The following SHOC2 variants were observed in gnomAD, a reference collection of about 807,000 sequenced individuals.
The protein encoded by SHOC2 is leucine-rich repeat protein SHOC-2.
In SHOC2, 4 loss-of-function variants were observed where a neutral mutation model predicts 50.2. That is an observed-to-expected ratio of 0.08 (90% confidence interval 0.04 to 0.18). The LOEUF (loss-of-function observed/expected upper bound fraction) is 0.18, where lower values mean the gene tolerates loss of function less well. Among genes scored for constraint, SHOC2 ranks in the 10% least tolerant of loss-of-function variants. The pLI is 1.00. For missense variants in SHOC2, 388 were observed against 669.6 expected (o/e 0.58, Z 4.64); for synonymous variants, 218 against 244.5 (o/e 0.89, Z 1.01).
At chr10:110,972,508 T>C (rs754166190) in intron 2 of SHOC2, among the ~76,000 whole-genome samples, 9 of 152,226 alleles carry the variant, frequency 5.9e-5, no homozygotes, top group Non-Finnish European at 1.3e-4. Flanking sequence ...TACTTATTAC[T>C]GTTAGGAAAT....
At chr10:110,947,949 C>T (rs1581886) in intron 1 of SHOC2, among the ~76,000 whole-genome samples, 114,629 of 152,008 alleles carry the variant, frequency 0.75, 43,535 homozygotes, top group East Asian at 0.85. Flanking sequence ...ATATATTTTT[C>T]AAAAGATCCT....
intron 1 of SHOC2, among the ~76,000 whole-genome samples, chr10:110,939,469 C>T (rs1200547673): frequency 1.3e-5 from 2 of 152,192 alleles, no homozygotes; most frequent in African/African-American, 4.8e-5. Flanking sequence ...ATCCCCCTAC[C>T]TTGGCTTCCA....
intron 2 of SHOC2, among the ~76,000 whole-genome samples, chr10:110,983,038 C>T (rs1484345643): frequency 6.6e-6 from 1 of 152,036 alleles, no homozygotes; most frequent in African/African-American, 2.4e-5. Flanking sequence ...TCTGTTTCAT[C>T]TTGATTGAGT....
chr10:110,964,544 A>C lies in SHOC2; in HGVS notation c.186A>C (p.Pro62=), dbSNP rs1449820117. The change falls in exon 2 of 9, where the codon CCA becomes CCC. Residue 62 remains proline (P), a synonymous_variant. Transcript: ENST00000369452. This position sits in a 1 kb window ranked among gnomAD's most constrained non-coding sequence, Gnocchi z 4.9. The part of the protein sequence containing the change: ...DGKKDSSAAQ[P]GVAFSVDNTI... ...AGAAGGACTCCAGTGCTGCCCAACCAGGGGTGGCATTTTCAGTTGACAATA... is the reference window on the plus strand; with the variant it reads ...AGAAGGACTCCAGTGCTGCCCAACCCGGGGTGGCATTTTCAGTTGACAATA... 6.2e-7 allele frequency: 1 copy of C among 1,614,108 alleles called. No individual in the cohort carries two copies. Among genetic ancestry groups the C allele is most frequent in the East Asian group, 2.2e-5 (1 of 44,872 alleles).
intron 1 of SHOC2, among the ~76,000 whole-genome samples, chr10:110,920,926 AGG>A (rs1846631420): frequency 2.3e-4 from 35 of 152,318 alleles, no homozygotes; most frequent in Middle Eastern, 6.8e-3. Context: ...TCTACTCAAG[AGG>A]GACTACTATA....
At chr10:110,997,613 AT>A (rs1192302528) in intron 3 of SHOC2, among the ~76,000 whole-genome samples, 1 of 152,178 alleles carries the variant, frequency 6.6e-6, no homozygotes, top group Non-Finnish European at 1.5e-5. Flanking sequence ...TGTACAGAAT[AT>A]TGCAGAATAT....
At chr10:110,979,317 C>T (rs1158348047) in intron 2 of SHOC2, among the ~76,000 whole-genome samples, 3 of 152,330 alleles carry the variant, frequency 2.0e-5, no homozygotes, top group African/African-American at 7.2e-5. Flanking sequence ...CAATAAAGTG[C>T]TAGCAAGGTG....
intron 1 of SHOC2, among the ~76,000 whole-genome samples, chr10:110,960,740 A>G (rs1847554458): frequency 6.6e-6 from 1 of 152,200 alleles, no homozygotes; most frequent in Admixed American, 6.5e-5. Flanking sequence ...CAGTGGCACA[A>G]TCTCAGCTCA....
At chr10:110,942,723 A>G (rs907760998) in intron 1 of SHOC2, among the ~76,000 whole-genome samples, 2 of 152,166 alleles carry the variant, frequency 1.3e-5, no homozygotes, top group South Asian at 4.1e-4. Flanking sequence ...ATTTCAACCC[A>G]AAGTACTCAC....
At chr10:111,005,612 A>G (rs1848452342) in intron 5 of SHOC2, among the ~76,000 whole-genome samples, 1 of 152,178 alleles carries the variant, frequency 6.6e-6, no homozygotes, top group African/African-American at 2.4e-5. Flanking sequence ...TTTTGCCAAA[A>G]TGTTTAGAGA....
At chr10:110,988,200 C>T (rs1360872303) in intron 3 of SHOC2, among the ~76,000 whole-genome samples, 2 of 152,062 alleles carry the variant, frequency 1.3e-5, no homozygotes, top group Non-Finnish European at 2.9e-5. Context: ...TACAACCTAT[C>T]TTTACCTGGT....
chr10:111,005,502 A>C (rs1257617258), intron 5 of SHOC2, among the ~76,000 whole-genome samples: 1 of 152,186 alleles, frequency 6.6e-6, no homozygotes, highest in Non-Finnish European at 1.5e-5. Context: ...AAGAAAGTTA[A>C]AGCATGTAAA....
intron 1 of SHOC2, among the ~76,000 whole-genome samples, chr10:110,936,182 C>T (rs1015758712): frequency 4.0e-5 from 6 of 151,124 alleles, no homozygotes; most frequent in Admixed American, 1.3e-4. Flanking sequence ...CTGCAACCTC[C>T]GCCTCCTGGG....
intron 5 of SHOC2, 61 bp from the exon 6 acceptor site, chr10:111,007,470 G>T: frequency 1.3e-6 from 2 of 1,568,966 alleles, no homozygotes; most frequent in Non-Finnish European, 1.8e-6. Flanking sequence ...CGAAGTGACA[G>T]GTATATATAG....
chr10:110,954,389 A>G (rs1478365733), intron 1 of SHOC2, among the ~76,000 whole-genome samples: 5 of 152,180 alleles, frequency 3.3e-5, no homozygotes, highest in African/African-American at 1.2e-4. Context: ...CTACCTAGTT[A>G]TATGATAAAT....
At chr10:110,990,401 C>G (rs549030350) in intron 3 of SHOC2, among the ~76,000 whole-genome samples, 1 of 152,102 alleles carries the variant, frequency 6.6e-6, no homozygotes, top group African/African-American at 2.4e-5. Flanking sequence ...TGTAAATACA[C>G]CAATCAGCAC....
At chr10:110,949,516 G>A (rs2134101454) in intron 1 of SHOC2, among the ~76,000 whole-genome samples, 1 of 152,040 alleles carries the variant, frequency 6.6e-6, no homozygotes, top group South Asian at 2.1e-4. Context: ...CTTTAAAGAA[G>A]ACATAGCACA....
chr10:111,008,083 G>A (rs1193862368), intron 6 of SHOC2, among the ~76,000 whole-genome samples: 1 of 148,056 alleles, frequency 6.8e-6, no homozygotes, highest in African/African-American at 2.5e-5. Flanking sequence ...TATTGTCTTT[G>A]TTGTAAATCT....
intron 3 of SHOC2, among the ~76,000 whole-genome samples, chr10:110,995,310 C>T (rs1482715245): frequency 1.3e-5 from 2 of 152,286 alleles, no homozygotes; most frequent in Middle Eastern, 3.4e-3. Context: ...TAATTGCCAA[C>T]TTACGGTGAA....
Sources: allele counts gnomAD v4.1 joint callset (sites outside exome capture counted in the v4.1 genomes callset), GRCh38; gene constraint gnomAD v4.1.1; non-coding constraint Gnocchi (gnomAD v3.1); transcripts MANE v1.5; gene names NCBI Gene and HGNC (gene_info 2026-07-23, HGNC 2026-07-21).